COL24A1: variants seen among roughly 807,000 people sequenced by gnomAD.
COL24A1 encodes the protein collagen alpha-1(XXIV) chain.
Under a neutral mutation model 253.9 loss-of-function variants are expected in COL24A1, and 224 were observed. The observed-to-expected ratio is 0.88, with a 90% CI of 0.79 to 0.99. The LOEUF (loss-of-function observed/expected upper bound fraction) is 0.99, where lower values mean the gene tolerates loss of function less well. Among genes scored for constraint, COL24A1 ranks in the 50% least tolerant of loss-of-function variants. The pLI, the probability that COL24A1 is intolerant of heterozygous loss-of-function variation, is 0.00. For missense variants in COL24A1, 2,131 were observed against 2,068.5 expected (o/e 1.03, Z -0.59); for synonymous variants, 685 against 673.7 (o/e 1.02, Z -0.26).
At chr1:85,998,377 C>T (rs760964743) in intron 19 of COL24A1, among the ~76,000 whole-genome samples, 5 of 152,192 alleles carry the variant, frequency 3.3e-5, no homozygotes, top group Admixed American at 6.5e-5. Context: ...CACAATCCAC[C>T]TTAGTCAGAA....
intron 32 of COL24A1, among the ~76,000 whole-genome samples, chr1:85,880,347 T>C (rs2102648000): frequency 6.6e-6 from 1 of 152,318 alleles, no homozygotes; most frequent in African/African-American, 2.4e-5. Context: ...CAATTGACTT[T>C]TGTATATTAA....
intron 51 of COL24A1, among the ~76,000 whole-genome samples, chr1:85,781,639 TC>T (rs1669161212): frequency 6.6e-6 from 1 of 152,200 alleles, no homozygotes; most frequent in Non-Finnish European, 1.5e-5. Flanking sequence ...TGAATAAATT[TC>T]TGTGCAGATG....
chr1:85,791,604 T>C (rs888782876), intron 47 of COL24A1, among the ~76,000 whole-genome samples: 2 of 152,144 alleles, frequency 1.3e-5, no homozygotes, highest in Non-Finnish European at 2.9e-5. Flanking sequence ...TACAAGGAAA[T>C]GACATGCTAA....
At chr1:85,808,047 C>T (rs1672158210) in intron 47 of COL24A1, among the ~76,000 whole-genome samples, 1 of 152,086 alleles carries the variant, frequency 6.6e-6, no homozygotes, top group Non-Finnish European at 1.5e-5. Context: ...GTGAAACTTC[C>T]TAACTATAAA....
chr1:85,969,843 A>G (rs868451657), intron 22 of COL24A1, among the ~76,000 whole-genome samples: 2 of 152,060 alleles, frequency 1.3e-5, no homozygotes, highest in Non-Finnish European at 2.9e-5. Context: ...TTATCTGATG[A>G]AAAAATTGGC....
chr1:85,875,447 T>A, intron 33 of COL24A1, 117 bp from the exon 34 acceptor site: 1 of 717,916 alleles, frequency 1.4e-6, no homozygotes, highest in Non-Finnish European at 2.4e-6. Flanking sequence ...TTGCTGTCCC[T>A]TTATAAACTT....
intron 58 of COL24A1, among the ~76,000 whole-genome samples, chr1:85,735,981 C>G (rs957246466): frequency 6.6e-6 from 1 of 152,128 alleles, no homozygotes; most frequent in Non-Finnish European, 1.5e-5. Context: ...TAATAAGGAA[C>G]ATTAGAATTT....
At chr1:85,790,138 T>C (rs1670111771) in intron 47 of COL24A1, among the ~76,000 whole-genome samples, 1 of 152,176 alleles carries the variant, frequency 6.6e-6, no homozygotes, top group Admixed American at 6.5e-5. Context: ...CCAGCCCCTC[T>C]TGGTATACCT....
intron 5 of COL24A1, among the ~76,000 whole-genome samples, chr1:86,105,441 G>A (rs1704880714): frequency 6.6e-6 from 1 of 152,172 alleles, no homozygotes; most frequent in Non-Finnish European, 1.5e-5. Flanking sequence ...GAGTTATGAT[G>A]CGGGCCCCCA....
At chr1:85,877,298 A>C (rs541576798) in intron 32 of COL24A1, 123 bp from the exon 33 acceptor site, 24 of 610,050 alleles carry the variant, frequency 3.9e-5, no homozygotes. Context: ...TACATAATAC[A>C]TTTATCAGCA....
At chr1:86,063,448 G>A (rs181556533) in intron 8 of COL24A1, among the ~76,000 whole-genome samples, 7 of 151,938 alleles carry the variant, frequency 4.6e-5, no homozygotes, top group Admixed American at 4.6e-4. Context: ...ACTCTCAAAG[G>A]GGTCTGTGAA....
chr1:86,018,389 A>C (rs1456811831), intron 18 of COL24A1, among the ~76,000 whole-genome samples: 1 of 152,186 alleles, frequency 6.6e-6, no homozygotes, highest in Non-Finnish European at 1.5e-5. Context: ...ATAAACAAAA[A>C]CAAAATCTGT....
At chr1:85,828,600 G>A (rs1037964211) in intron 43 of COL24A1, among the ~76,000 whole-genome samples, 76 of 149,972 alleles carry the variant, frequency 5.1e-4, no homozygotes, top group African/African-American at 1.8e-3. Flanking sequence ...TGTGAATCTG[G>A]GTGCTCCTGT....
At chr1:86,057,032 C>G (rs1007269831) in intron 10 of COL24A1, among the ~76,000 whole-genome samples, 2 of 152,074 alleles carry the variant, frequency 1.3e-5, no homozygotes, top group Non-Finnish European at 2.9e-5. Context: ...TTTGTCCCCT[C>G]CAAATCGCAT....
Position 86,156,531 on chromosome 1 carries a change from G to GA in COL24A1, c.-136dup, listed in dbSNP as rs1653647558. 1.4e-6 allele frequency: 1 copy of GA among 695,158 alleles called. No homozygotes were observed. The highest frequency in any genetic ancestry group is 2.1e-6 in the Non-Finnish European group (1 of 468,296). 43.1% of individuals were successfully genotyped at this position (695,158 alleles called of 1,614,324 possible). On this transcript the variant is annotated 5_prime_UTR_variant, in exon 1 of 60. Coordinates refer to ENST00000370571, the MANE Select transcript of COL24A1 (RefSeq NM_152890.7). ...AAACCATGCTTCAAACCCGCAACAA[G>GA]AAAAAAAGGAGGGGAGGGGGTGAAG...
At chr1:85,795,246 G>T (rs972994870) in intron 47 of COL24A1, among the ~76,000 whole-genome samples, 3 of 152,110 alleles carry the variant, frequency 2.0e-5, no homozygotes, top group African/African-American at 7.2e-5. Flanking sequence ...ATCTGGGAAG[G>T]AAAATGGTGC....
intron 37 of COL24A1, among the ~76,000 whole-genome samples, chr1:85,861,748 A>G (rs187350054): frequency 2.1e-5 from 3 of 145,648 alleles, no homozygotes; most frequent in East Asian, 1.9e-4. Context: ...GAGATAGCCA[A>G]TAACACTAAC....
At chr1:85,963,302 T>C (rs1225664043) in intron 23 of COL24A1, among the ~76,000 whole-genome samples, 1 of 152,200 alleles carries the variant, frequency 6.6e-6, no homozygotes, top group Non-Finnish European at 1.5e-5. Context: ...GGCAGTTCAT[T>C]AGACAGCATT....
At chr1:85,984,555 T>C (rs775110475) in intron 20 of COL24A1, among the ~76,000 whole-genome samples, 3 of 151,872 alleles carry the variant, frequency 2.0e-5, no homozygotes, top group Non-Finnish European at 4.4e-5. Flanking sequence ...AATGAATGGA[T>C]AAATAAATGT....
Sources: allele counts gnomAD v4.1 joint callset (sites outside exome capture counted in the v4.1 genomes callset), GRCh38; gene constraint gnomAD v4.1.1; transcripts MANE v1.5; gene names NCBI Gene and HGNC (gene_info 2026-07-23, HGNC 2026-07-21).